The following SLC25A38 variants were observed in gnomAD, a reference collection of about 807,000 sequenced individuals.
SLC25A38 encodes the protein mitochondrial glycine transporter.
In SLC25A38, 27 loss-of-function variants were observed where a neutral mutation model predicts 33.4. That is an observed-to-expected ratio of 0.81 (90% CI 0.60 to 1.11). The LOEUF (loss-of-function observed/expected upper bound fraction) is 1.11, where lower values mean the gene tolerates loss of function less well. SLC25A38 is among the 50% of genes most tolerant of loss of function. The pLI is 0.00. For missense variants in SLC25A38, 344 were observed against 388.8 expected (o/e 0.88, Z 0.97); for synonymous variants, 123 against 145.9 (o/e 0.84, Z 1.13).
In SLC25A38 at chr3:39,391,598, C is replaced by G; in HGVS notation, c.434C>G (p.Thr145Ser). Residue 145 changes from threonine (T) to serine (S), a missense_variant, in exon 4 of 7, where the codon ACT becomes AGT. Transcript: ENST00000650617. ...SVAGVCMSPITVIKTRYESGK... is the reference protein window; with the variant it reads ...SVAGVCMSPISVIKTRYESGK... ...GCAGGGGTCTGTATGTCACCTATCA[C>G]TGTAATCAAGACGCGCTATGAGGTG... is the stretch of plus-strand genomic sequence containing the variant. The G allele has an allele frequency of 6.2e-7, 1 of 1,614,208 alleles. No individual in the cohort carries two copies. Among genetic ancestry groups the G allele is most frequent in the Non-Finnish European group, 8.5e-7 (1 of 1,180,050 alleles).
In SLC25A38 at chr3:39,396,838, C is replaced by A; in HGVS notation, c.*318C>A. ...TCAGGTGGCTGCGCTTCAGCCCCAC[C>A]CCTACACCACAGGGTCTCCTTGGGT... On this transcript the variant is annotated 3_prime_UTR_variant, in exon 7 of 7. Coordinates refer to ENST00000650617, the MANE Select transcript of SLC25A38 (RefSeq NM_017875.4). The A allele has an allele frequency of 5.1e-6, 2 of 392,144 alleles. No individual in the cohort carries two copies. Among genetic ancestry groups the A allele is most frequent in the Non-Finnish European group, 9.7e-6 (2 of 205,458 alleles). The allele number at this position is 392,144 out of a possible 1,614,324, so 24.3% of individuals were successfully genotyped here.
At position 39,383,744 on chromosome 3, in the gene SLC25A38, C is replaced by T. The variant is rs148611608; in HGVS notation, c.20C>T (p.Pro7Leu). 124 of 1,614,164 alleles carry T rather than the reference C, an allele frequency of 7.7e-5. 1 individual carries two copies. The East Asian group carries it at 2.7e-3, about 35-fold the overall frequency. The stretch of plus-strand genomic sequence containing the variant: ...TCTCCAATGATTCAGAACTCACGTC[C>T]GTCGCTGCTGCAACCCCAAGATGTC... MIQNSR[P>L]SLLQPQDVGD... The change falls in exon 1 of 7, where the codon CCG (proline) becomes CTG (leucine). Residue 7 changes from proline (P) to leucine (L), a missense_variant. Pro to Leu is a moderately conservative substitution (Grantham distance 98). Coordinates refer to ENST00000650617, the MANE Select transcript of SLC25A38 (RefSeq NM_017875.4).
chr3:39,386,800 G>T (rs4561762), intron 1 of SLC25A38, among the ~76,000 whole-genome samples: 139,027 of 152,122 alleles, frequency 0.91, 64,605 homozygotes, highest in Non-Finnish European at 1. Flanking sequence ...TCTGGCTGGG[G>T]TGCTAGAGAA....
At position 39,389,368 on chromosome 3, in the gene SLC25A38, A is replaced by G. The variant is rs1315211619; in HGVS notation, c.70-127A>G. ...TACTTTTTCCTTCTCCGAGGTATGA[A>G]GAAAACATGAGGCACCACCAGGTAA... On this transcript the variant is annotated intron_variant, in intron 1 of 6. Transcript: ENST00000650617. This position sits in a 1 kb window ranked among gnomAD's most constrained non-coding sequence, Gnocchi z 4.5. 1 of 1,471,734 alleles carries G rather than the reference A, an allele frequency of 6.8e-7. No individual in the cohort carries two copies. Among genetic ancestry groups the G allele is most frequent in the South Asian group, 1.2e-5 (1 of 86,328 alleles). The allele number at this position is 1,471,734 out of a possible 1,614,324, so 91.2% of individuals were successfully genotyped here.
At position 39,391,454 on chromosome 3, in the gene SLC25A38, G is replaced by A; in HGVS notation, c.290G>A (p.Cys97Tyr). Residue 97 changes from cysteine (C) to tyrosine (Y), a missense_variant, in exon 4 of 7, where the codon TGT (cysteine) becomes TAT (tyrosine). By Grantham distance (194) the Cys-to-Tyr change is radical. This residue lies in a region of SLC25A38 where 269 missense variants were observed against 271.8 expected (regional missense o/e 0.99). Coordinates refer to ENST00000650617, the MANE Select transcript of SLC25A38 (RefSeq NM_017875.4). Reference sequence around the variant, plus strand: ...CCTTCTCTGCAGTCCATTGTGAGATGTGTCCCTGGCGTTGGAATCTACTTT... The same window carrying A: ...CCTTCTCTGCAGTCCATTGTGAGATATGTCCCTGGCGTTGGAATCTACTTT... ...WKGMSPSIVR[C>Y]VPGVGIYFGT... 1 of 1,613,656 alleles carries A rather than the reference G, an allele frequency of 6.2e-7. No homozygotes were observed. The highest frequency in any genetic ancestry group is 8.5e-7 in the Non-Finnish European group (1 of 1,180,024).
intron 6 of SLC25A38, among the ~76,000 whole-genome samples, chr3:39,396,158 C>T (rs1442459024): frequency 1.3e-5 from 2 of 151,642 alleles, no homozygotes; most frequent in African/African-American, 4.8e-5. Flanking sequence ...TGCAGTGAGC[C>T]GAGATCGCGC....
intron 6 of SLC25A38, among the ~76,000 whole-genome samples, chr3:39,396,056 G>A (rs561389854): frequency 6.6e-6 from 1 of 151,980 alleles, no homozygotes; most frequent in African/African-American, 2.4e-5. Context: ...CTAAAAATAC[G>A]AAAATTAGCC....
chr3:39,384,854 G>A, intron 1 of SLC25A38: 9 of 386,186 alleles, frequency 2.3e-5, no homozygotes, highest in Non-Finnish European at 4.1e-5. Context: ...GCGCTGGAGT[G>A]CAGTGGCGTG....
chr3:39,386,660 A>C (rs1377486533), intron 1 of SLC25A38, among the ~76,000 whole-genome samples: 1 of 152,212 alleles, frequency 6.6e-6, no homozygotes, highest in Non-Finnish European at 1.5e-5. Flanking sequence ...ATGGGTAAAA[A>C]ATTGGTGGCC....
chr3:39,396,365 C>T, intron 6 of SLC25A38, 33 bp from the exon 7 acceptor site: 1 of 1,614,040 alleles, frequency 6.2e-7, no homozygotes, highest in Non-Finnish European at 8.5e-7. Context: ...TGCTACTTTG[C>T]TTCCAGAGTT....
chr3:39,391,471 A>C lies in SLC25A38; in HGVS notation c.307A>C (p.Ile103Leu), dbSNP rs752103811. The C allele has an allele frequency of 1.9e-6, 3 of 1,613,904 alleles. No homozygotes were observed. The highest frequency in any genetic ancestry group is 2.7e-5 in the African/African-American group (2 of 74,916). Residue 103 changes from isoleucine to leucine, a missense_variant, in exon 4 of 7, where the codon ATC becomes CTC. By Grantham distance (5) the Ile-to-Leu change is conservative. Around this residue, in one of 2 missense-constraint regions of SLC25A38, gnomAD observed 269 missense variants for 271.8 expected, o/e 0.99. Transcript: ENST00000650617. ...SIVRCVPGVG[I>L]YFGTLYSLKQ... The stretch of plus-strand genomic sequence containing the variant: ...TGTGAGATGTGTCCCTGGCGTTGGA[A>C]TCTACTTTGGCACTCTCTACTCTTT...
At chr3:39,383,902 G>A in intron 1 of SLC25A38, 109 bp downstream of exon 1, 1 of 1,260,332 alleles carries the variant, frequency 7.9e-7, no homozygotes, top group Non-Finnish European at 1.1e-6. Context: ...CCCAGGGTGC[G>A]CTCAGGATTT....
At position 39,391,860 on chromosome 3, in the gene SLC25A38, A is replaced by T. The variant is rs373064403; in HGVS notation, c.464A>T (p.Lys155Ile). The T allele has an allele frequency of 1.9e-6, 3 of 1,613,284 alleles. No homozygotes were observed. The highest frequency in any genetic ancestry group is 2.7e-5 in the African/African-American group (2 of 74,898). The change falls in exon 5 of 7, where the codon AAA becomes ATA. Residue 155 changes from lysine (K) to isoleucine (I), a missense_variant. Physicochemically the swap from Lys to Ile is moderately radical, Grantham distance 102 (BLOSUM62 -3). Coordinates refer to ENST00000650617, the MANE Select transcript of SLC25A38 (RefSeq NM_017875.4). ...TCTGTGCTCTCTTTGCAGAGTGGGA[A>T]ATATGGCTATGAGAGTATCTACGCT... ...TVIKTRYESGKYGYESIYAAL... is the reference protein window; with the variant it reads ...TVIKTRYESGIYGYESIYAAL...
chr3:39,393,047 G>A (rs891701865), intron 5 of SLC25A38, among the ~76,000 whole-genome samples: 2 of 152,218 alleles, frequency 1.3e-5, no homozygotes, highest in African/African-American at 4.8e-5. Flanking sequence ...CACTTTGGGA[G>A]GCCGAGGTGG....
At chr3:39,394,963 A>G (rs912582432) in intron 6 of SLC25A38, among the ~76,000 whole-genome samples, 4 of 80,734 alleles carry the variant, frequency 5.0e-5, no homozygotes, top group African/African-American at 7.1e-5. Flanking sequence ...AGTCAGAGGG[A>G]AAAAAAAAAC....
Position 39,391,453 on chromosome 3 carries a change from T to C in SLC25A38, c.289T>C (p.Cys97Arg), listed in dbSNP as rs1434809498. The change falls in exon 4 of 7, where the codon TGT (cysteine) becomes CGT (arginine). Residue 97 changes from cysteine to arginine, a missense_variant. Cys to Arg is a radical substitution (Grantham distance 180). Transcript: ENST00000650617. The part of the protein sequence containing the change: ...WKGMSPSIVR[C>R]VPGVGIYFGT... ...ACCTTCTCTGCAGTCCATTGTGAGA[T>C]GTGTCCCTGGCGTTGGAATCTACTT... is the stretch of plus-strand genomic sequence containing the variant. The C allele has an allele frequency of 7.4e-6, 12 of 1,613,560 alleles. No homozygotes were observed. Among genetic ancestry groups the C allele is most frequent in the East Asian group, 6.7e-5 (3 of 44,900 alleles).
intron 1 of SLC25A38, among the ~76,000 whole-genome samples, chr3:39,386,951 A>C (rs551241256): frequency 1.3e-5 from 2 of 152,262 alleles, no homozygotes; most frequent in East Asian, 3.9e-4. Flanking sequence ...CTCCAGCGAG[A>C]GGCTGAGAGT....
At chr3:39,395,091 T>C (rs1445814705) in intron 6 of SLC25A38, among the ~76,000 whole-genome samples, 1 of 152,142 alleles carries the variant, frequency 6.6e-6, no homozygotes, top group Non-Finnish European at 1.5e-5. Context: ...TAAAATACAC[T>C]AACACTAATG....
chr3:39,391,655 C>T (rs2041769757), intron 4 of SLC25A38, 35 bp downstream of exon 4: 1 of 1,614,018 alleles, frequency 6.2e-7, no homozygotes, highest in East Asian at 2.2e-5. Flanking sequence ...CAGGATAGTT[C>T]GGCTTAGCCA....
Sources: allele counts gnomAD v4.1 joint callset (sites outside exome capture counted in the v4.1 genomes callset), GRCh38; gene constraint gnomAD v4.1.1; regional missense constraint gnomAD v4.1.1; non-coding constraint Gnocchi (gnomAD v3.1); transcripts MANE v1.5; gene names NCBI Gene and HGNC (gene_info 2026-07-23, HGNC 2026-07-21).